The following TRMT2B variants were observed in gnomAD, a reference collection of about 807,000 sequenced individuals.
TRMT2B encodes tRNA methyltransferase 2B, also known as tRNA (uracil-5-)-methyltransferase homolog B.
In TRMT2B, 34 loss-of-function variants were observed where a neutral mutation model predicts 39.7. The ratio of observed to expected loss-of-function variants is 0.86; its 90% CI spans 0.65 to 1.14. The LOEUF is 1.14. TRMT2B is among the 50% of genes most tolerant of loss of function. The pLI is 0.00. For missense variants in TRMT2B, 318 were observed against 377.2 expected, an observed-to-expected ratio of 0.84 and a Z score of 1.30; for synonymous variants, 132 against 137.3, an observed-to-expected ratio of 0.96 and a Z score of 0.27.
At chrX:101,049,091 A>T (rs2088878848) in intron 2 of TRMT2B, among the ~76,000 whole-genome samples, 1 of 111,683 alleles carries the variant, frequency 9.0e-6, no homozygotes, top group Non-Finnish European at 1.9e-5. Flanking sequence ...AAATTTAAAA[A>T]ACAACATACA....
At chrX:101,024,698 C>G (rs1005830681) in intron 7 of TRMT2B, among the ~76,000 whole-genome samples, 6 of 111,225 alleles carry the variant, frequency 5.4e-5, no homozygotes, top group African/African-American at 1.3e-4. Flanking sequence ...GGGCAGGCAC[C>G]TGTAATCTCA....
rs181156887 is a variant in TRMT2B, at chrX:101,016,632, A to G, written c.1388+2339T>C. ...CAGGCATGTGCCACTACGCCCAGCT[A>G]ATTTTCGTGGTTTTTTTTTTTTTTT... is the stretch of plus-strand genomic sequence containing the variant. On this transcript the variant is annotated intron_variant, in intron 13 of 13. Transcript: ENST00000372936. Among the ~76,000 whole-genome samples, 715 of 95,751 alleles carry G rather than the reference A, an allele frequency of 7.5e-3. 14 individuals are homozygous for G. The highest frequency in any genetic ancestry group is 0.027 in the African/African-American group (678 of 24,996). The allele number at this position is 95,751 out of a possible 115,157, so 83.1% of individuals were successfully genotyped here.
intron 2 of TRMT2B, among the ~76,000 whole-genome samples, chrX:101,049,008 C>T (rs2088873949): frequency 1.8e-5 from 2 of 112,102 alleles, no homozygotes; most frequent in South Asian, 7.3e-4. Context: ...CATGCCTCAA[C>T]ATCTCCAACC....
intron 2 of TRMT2B, among the ~76,000 whole-genome samples, chrX:101,049,485 TCC>T (rs1491052575): frequency 1.2e-4 from 6 of 50,694 alleles, no homozygotes; most frequent in African/African-American, 2.0e-4. Flanking sequence ...AGACCCTGTC[TCC>T]AAAAAAAAAA....
chrX:101,037,294 A>G, intron 5 of TRMT2B: 1 of 393,176 alleles, frequency 2.5e-6, no homozygotes. Flanking sequence ...ACTTATGTCA[A>G]GAGCCAAAGA....
chrX:101,010,988 G>A (rs1356948324), intron 13 of TRMT2B, among the ~76,000 whole-genome samples: 1 of 111,918 alleles, frequency 8.9e-6, no homozygotes, highest in African/African-American at 3.2e-5. Context: ...TTTGGTAAAT[G>A]GAGCTGAAGA....
At chrX:101,003,340 TC>T in the TRMT2B span, among the ~76,000 whole-genome samples, 2 of 71,695 alleles carry the variant, frequency 2.8e-5, no homozygotes, top group African/African-American at 1.2e-4. Context: ...TAGAGTGACA[TC>T]CGATAGCTTT....
At chrX:101,015,751 AT>A (rs988023856) in intron 13 of TRMT2B, 13 of 255,299 alleles carry the variant, frequency 5.1e-5, no homozygotes, top group Non-Finnish European at 7.0e-5. Flanking sequence ...TAAATTAATG[AT>A]TTTTTTAATA....
At chrX:101,043,279 T>A (rs1270509252) in intron 2 of TRMT2B, among the ~76,000 whole-genome samples, 20 of 99,365 alleles carry the variant, frequency 2.0e-4, no homozygotes, top group Admixed American at 7.9e-4. Flanking sequence ...AAAAAAAAAA[T>A]AAATAAATAA....
intron 3 of TRMT2B, among the ~76,000 whole-genome samples, 181 bp from the exon 4 acceptor site, chrX:101,041,552 AAG>A: frequency 8.9e-6 from 1 of 112,121 alleles, no homozygotes; most frequent in African/African-American, 3.2e-5. Context: ...AACCTAATAT[AAG>A]AAAAATCCAG....
At chrX:100,987,391 A>G in the TRMT2B span, 3 of 1,208,982 alleles carry the variant, frequency 2.5e-6, no homozygotes, top group Admixed American at 6.6e-5. Context: ...TTGTCACAGG[A>G]GCCATGTTCA....
chrX:100,980,868 G>C, the TRMT2B span, among the ~76,000 whole-genome samples: 1 of 111,776 alleles, frequency 8.9e-6, no homozygotes, highest in African/African-American at 3.3e-5. Context: ...TCTGGCCCAG[G>C]ATGGGTCTAG....
At chrX:101,044,979 G>T (rs1473651302) in intron 2 of TRMT2B, among the ~76,000 whole-genome samples, 1 of 104,997 alleles carries the variant, frequency 9.5e-6, no homozygotes, top group South Asian at 4.7e-4. Context: ...GCAATGAGCC[G>T]AGACCGTGCC....
the TRMT2B span, among the ~76,000 whole-genome samples, chrX:100,989,590 C>T: frequency 5.5e-4 from 56 of 102,489 alleles, no homozygotes; most frequent in Non-Finnish European, 8.7e-4. Flanking sequence ...AGCCTGGCAA[C>T]AGAGCGGGAC....
chrX:100,994,797 G>A, the TRMT2B span, among the ~76,000 whole-genome samples: 257 of 111,130 alleles, frequency 2.3e-3, 11 homozygotes, highest in Non-Finnish European at 1.5e-3. Flanking sequence ...TAGTGGCAGG[G>A]TCTTGCTCTA....
intron 7 of TRMT2B, among the ~76,000 whole-genome samples, chrX:101,026,633 G>A (rs1196789359): frequency 9.0e-6 from 1 of 111,269 alleles, no homozygotes; most frequent in Non-Finnish European, 1.9e-5. Context: ...TGAAACTCCT[G>A]TTCTTATATG....
rs368508856 is a variant in TRMT2B, at chrX:101,021,159, C to A, written c.1008G>T (p.Val336=). The part of the protein sequence containing the change: ...TAGAEMLYRT[V]GELTGVNSDT... ...CAGAGTTCACTCCAGTCAGCTCCCC[C>A]ACAGTCCGATACAGCATCTCTGCAC... The change falls in exon 10 of 14, where the codon GTG becomes GTT. Residue 336 remains valine, a synonymous_variant. Coordinates refer to ENST00000372936, the MANE Select transcript of TRMT2B (RefSeq NM_024917.6). 24 of 1,209,627 alleles carry A rather than the reference C, an allele frequency of 2.0e-5. No homozygotes were observed. Among genetic ancestry groups the A allele is most frequent in the African/African-American group, 3.5e-5 (2 of 57,111 alleles).
rs1397895715 is a variant in TRMT2B at position 101,019,603 on chromosome X, A to G, written c.1169-200T>C. 2.8e-5 allele frequency among the ~76,000 whole-genome samples: 3 copies of G among 108,771 alleles called. No homozygotes were observed. The Admixed American group carries it at 3.0e-4, about 11-fold the overall frequency. 94.5% of individuals were successfully genotyped at this position (108,771 alleles called of 115,157 possible). On this transcript the variant is annotated intron_variant, in intron 11 of 13. Coordinates refer to ENST00000372936, the MANE Select transcript of TRMT2B (RefSeq NM_024917.6). ...TACTTTCCCTTGGAATATCTCAGTA[A>G]GCCTTTCAGCTTGAGCAACTAGTGT...
chrX:101,035,323 C>G (rs1288012296), intron 7 of TRMT2B, among the ~76,000 whole-genome samples: 1 of 112,303 alleles, frequency 8.9e-6, no homozygotes, highest in East Asian at 2.8e-4. Context: ...ACACCTGACA[C>G]TTGCTATAGT....
Sources: gnomAD v4.1 joint callset for allele counts (sites outside exome capture counted in the v4.1 genomes callset) on GRCh38, gnomAD v4.1.1 for gene constraint, MANE v1.5 for transcripts, NCBI Gene and HGNC (gene_info 2026-07-23, HGNC 2026-07-21) for gene names.